The following PRSS55 variants were observed in gnomAD, a reference collection of about 807,000 sequenced individuals.
The protein encoded by PRSS55 is serine protease 55, also known as probable serine protease UNQ9391/PRO34284.
PRSS55 carries 41 observed loss-of-function variants against 23.6 expected under a neutral mutation model. The ratio of observed to expected loss-of-function variants is 1.74; its 90% CI spans 1.35 to 2.26. The LOEUF is 2.26. Among genes scored for constraint, PRSS55 ranks in the 30% most tolerant of loss-of-function variants. PRSS55 has a pLI of 0.00. For missense variants in PRSS55, 669 were observed against 439.1 expected, an observed-to-expected ratio of 1.52 and a Z score of -4.68; for synonymous variants, 262 against 175.5, an observed-to-expected ratio of 1.49 and a Z score of -3.90.
chr8:10,552,052 G>A (rs1294716841), intron 4 of PRSS55, among the ~76,000 whole-genome samples: 1 of 152,298 alleles, frequency 6.6e-6, no homozygotes, highest in East Asian at 1.9e-4. Flanking sequence ...ACCGTTTCCT[G>A]CCTTGCCTCA....
downstream of PRSS55, chr8:10,540,543 C>G (rs929872118): frequency 1.3e-5 from 2 of 152,166 alleles, no homozygotes; most frequent in Non-Finnish European, 2.9e-5. Flanking sequence ...GAAACCCCGT[C>G]TCTACTTTAA....
At chr8:10,542,024 G>A (rs1278026723), downstream of PRSS55, among the ~76,000 whole-genome samples, 2 of 152,130 alleles carry the variant, frequency 1.3e-5, no homozygotes, top group Non-Finnish European at 2.9e-5. Context: ...CAGTCCTCCT[G>A]CCATGGCCTC....
downstream of PRSS55, among the ~76,000 whole-genome samples, chr8:10,543,441 T>A (rs1321411255): frequency 4.4e-5 from 1 of 22,586 alleles, no homozygotes; most frequent in Admixed American, 5.9e-4. Context: ...CCTTCCTTCC[T>A]TCCATCCTTC....
chr8:10,538,826 G>A (rs897842680), downstream of PRSS55: 3 of 1,522,458 alleles, frequency 2.0e-6, no homozygotes, highest in South Asian at 2.7e-5. Flanking sequence ...TCAACCGAGG[G>A]AGGGTGCATG....
intron 4 of PRSS55, among the ~76,000 whole-genome samples, chr8:10,549,448 G>A (rs1044169407): frequency 5.3e-5 from 8 of 152,230 alleles, no homozygotes; most frequent in Non-Finnish European, 1.2e-4. Context: ...GATGGCATCG[G>A]CATGTTGGGA....
At position 10,525,549 on chromosome 8, in the gene PRSS55, C is replaced by G; in HGVS notation, c.-37C>G. 2 of 1,599,130 alleles carry G rather than the reference C, an allele frequency of 1.3e-6. No individual in the cohort carries two copies. The highest frequency in any genetic ancestry group is 1.7e-6 in the Non-Finnish European group (2 of 1,169,730). On this transcript the variant is annotated 5_prime_UTR_variant, in exon 1 of 5. Coordinates refer to ENST00000328655, the MANE Select transcript of PRSS55 (RefSeq NM_198464.4). ...TCAGCCTCACTGCCTCAGCCCTGGCCTCTGTCACCCCCGGGCCCACAGCAC... is the reference window on the plus strand; with the variant it reads ...TCAGCCTCACTGCCTCAGCCCTGGCGTCTGTCACCCCCGGGCCCACAGCAC...
chr8:10,545,006 G>C, intron 4 of PRSS55: 1 of 985,246 alleles, frequency 1.0e-6, no homozygotes, highest in Non-Finnish European at 1.2e-6. Context: ...TGTTGACCCA[G>C]CCTCAACAAA....
intron 2 of PRSS55, among the ~76,000 whole-genome samples, chr8:10,530,567 A>T (rs1812215861): frequency 6.6e-6 from 1 of 152,196 alleles, no homozygotes; most frequent in Non-Finnish European, 1.5e-5. Flanking sequence ...GTTTATAGAT[A>T]AGGAAACTGA....
intron 4 of PRSS55, among the ~76,000 whole-genome samples, chr8:10,549,125 G>C (rs559550926): frequency 2.0e-5 from 3 of 152,348 alleles, no homozygotes; most frequent in East Asian, 3.9e-4. Context: ...CCCTGGTCTA[G>C]AGGGGGAGAT....
chr8:10,535,608 G>T (rs577667471), intron 4 of PRSS55, among the ~76,000 whole-genome samples: 15 of 152,236 alleles, frequency 9.9e-5, no homozygotes, highest in Middle Eastern at 3.4e-3. Context: ...CCAAAACTGT[G>T]AAAACACTAA....
chr8:10,544,561 T>C (rs1009201045), intron 4 of PRSS55, among the ~76,000 whole-genome samples: 5 of 152,214 alleles, frequency 3.3e-5, no homozygotes, highest in African/African-American at 1.2e-4. Context: ...TTGGTTTTCC[T>C]GTATGATGCT....
chr8:10,543,480 CTT>C (rs373955057), downstream of PRSS55, among the ~76,000 whole-genome samples: 33 of 109,454 alleles, frequency 3.0e-4, no homozygotes, highest in South Asian at 2.1e-3. Flanking sequence ...TTCTTTCTCT[CTT>C]TTTTTTTTTT....
intron 1 of PRSS55, among the ~76,000 whole-genome samples, chr8:10,527,032 A>T (rs553277588): frequency 1.3e-5 from 2 of 152,204 alleles, no homozygotes; most frequent in African/African-American, 4.8e-5. Flanking sequence ...CCACCATCCA[A>T]CCCAGCTCAT....
In PRSS55 at chr8:10,533,062, A is replaced by G. The variant is rs28733240; in HGVS notation, c.741+14A>G. On this transcript the variant is annotated intron_variant, in intron 4 of 4. Coordinates refer to ENST00000328655, the MANE Select transcript of PRSS55 (RefSeq NM_198464.4). ...GATGCCTGCAAGGTAACTAGGGGGT[A>G]CCCTCCCTCACCTTATAGGTCCTCA... The G allele has an allele frequency of 2.8e-3, 4,525 of 1,613,766 alleles. 108 individuals are homozygous for G. The African/African-American group carries it at 0.054, about 19-fold the overall frequency.
rs377217136 is a variant in PRSS55, at chr8:10,531,508, C to T, written c.561C>T (p.Arg187=). Residue 187 remains arginine, a synonymous_variant, in exon 3 of 5, where the codon CGC becomes CGT. Coordinates refer to ENST00000328655, the MANE Select transcript of PRSS55 (RefSeq NM_198464.4). ...LPTQPGPATW[R]ECWVAGWGQT... ...CGCAGCCCGGCCCTGCCACATGGCG[C>T]GAATGCTGGGTGGCAGGTTGGGGCC... 2.1e-5 allele frequency: 34 copies of T among 1,613,870 alleles called. No individual in the cohort carries two copies. Among genetic ancestry groups the T allele is most frequent in the South Asian group, 1.1e-4 (10 of 91,084 alleles).
chr8:10,534,380 T>C (rs967084844), intron 4 of PRSS55, among the ~76,000 whole-genome samples: 1 of 152,158 alleles, frequency 6.6e-6, no homozygotes, highest in Admixed American at 6.5e-5. Context: ...TCCTCCCTGA[T>C]TAGAGTTTGT....
chr8:10,525,970 C>T (rs1779978735), intron 1 of PRSS55, among the ~76,000 whole-genome samples: 1 of 152,208 alleles, frequency 6.6e-6, no homozygotes, highest in Admixed American at 6.5e-5. Flanking sequence ...TAGCAGGCTG[C>T]CCTGAAGCTC....
At chr8:10,530,336 G>A (rs945585950) in intron 2 of PRSS55, among the ~76,000 whole-genome samples, 1 of 152,186 alleles carries the variant, frequency 6.6e-6, no homozygotes, top group South Asian at 2.1e-4. Context: ...TTAGCTGGGC[G>A]CGGTGGCGTG....
rs574594275 is a variant in PRSS55, at chr8:10,527,725, C to T, written c.155-1782C>T. On this transcript the variant is annotated intron_variant, in intron 1 of 4. Coordinates refer to ENST00000328655, the MANE Select transcript of PRSS55 (RefSeq NM_198464.4). ...GTTCAGTCACTGACTAGTTGTGTGACGCTGGGCAAACTACTTAACCTCTCT... is the reference window on the plus strand; with the variant it reads ...GTTCAGTCACTGACTAGTTGTGTGATGCTGGGCAAACTACTTAACCTCTCT... 2.5e-3 allele frequency among the ~76,000 whole-genome samples: 382 copies of T among 152,338 alleles called. 1 individual carries two copies. The highest frequency in any genetic ancestry group is 8.8e-3 in the African/African-American group (366 of 41,570).
Sources: allele counts gnomAD v4.1 joint callset (sites outside exome capture counted in the v4.1 genomes callset), GRCh38; gene constraint gnomAD v4.1.1; transcripts MANE v1.5; gene names NCBI Gene and HGNC (gene_info 2026-07-23, HGNC 2026-07-21).